ADAMTS16: variants seen among roughly 807,000 people sequenced by gnomAD.
ADAMTS16 encodes A disintegrin and metalloproteinase with thrombospondin motifs 16.
In ADAMTS16, 94 loss-of-function variants were observed where a neutral mutation model predicts 145.8. That is an observed-to-expected ratio of 0.64 (90% CI 0.55 to 0.77). The LOEUF (loss-of-function observed/expected upper bound fraction) is 0.77, where lower values mean the gene tolerates loss of function less well. Ranked by LOEUF, ADAMTS16 falls within the 30% of genes least tolerant of loss-of-function variation. ADAMTS16 has a pLI of 0.00. For missense variants in ADAMTS16, 1,585 were observed against 1,591.5 expected (o/e 1.00, Z 0.07); for synonymous variants, 659 against 604.3 (o/e 1.09, Z -1.33).
At chr5:5,316,213 C>T (rs181979402) in intron 21 of ADAMTS16, among the ~76,000 whole-genome samples, 1 of 152,310 alleles carries the variant, frequency 6.6e-6, no homozygotes, top group Admixed American at 6.5e-5. Context: ...GGAATGGTCT[C>T]TGACATACTC....
intron 10 of ADAMTS16, among the ~76,000 whole-genome samples, chr5:5,221,915 A>T (rs550037945): frequency 6.6e-6 from 1 of 152,248 alleles, no homozygotes; most frequent in African/African-American, 2.4e-5. Context: ...CATCCATTTA[A>T]TTTCTTGGGG....
chr5:5,290,857 C>G (rs369634647), intron 18 of ADAMTS16, among the ~76,000 whole-genome samples: 1 of 152,126 alleles, frequency 6.6e-6, no homozygotes, highest in Non-Finnish European at 1.5e-5. Flanking sequence ...CTGTTCTTCC[C>G]GCTGTGACCA....
chr5:5,145,966 A>G (rs560791663), intron 2 of ADAMTS16, among the ~76,000 whole-genome samples, 164 bp from the exon 3 acceptor site: 2 of 152,236 alleles, frequency 1.3e-5, no homozygotes, highest in African/African-American at 4.8e-5. Flanking sequence ...GTGATGTTCC[A>G]TATTGCACAC....
At chr5:5,305,353 C>T (rs1740069190) in intron 20 of ADAMTS16, among the ~76,000 whole-genome samples, 2 of 135,066 alleles carry the variant, frequency 1.5e-5, no homozygotes, top group Admixed American at 7.5e-5. Flanking sequence ...ACACATCCCA[C>T]ACCACACACA....
At chr5:5,214,055 G>T (rs1485375709) in intron 10 of ADAMTS16, among the ~76,000 whole-genome samples, 1 of 152,192 alleles carries the variant, frequency 6.6e-6, no homozygotes, top group African/African-American at 2.4e-5. Flanking sequence ...TCCCAACAGC[G>T]GGGTCTGCAA....
chr5:5,262,149 T>C (rs1466033350), intron 17 of ADAMTS16, among the ~76,000 whole-genome samples: 1 of 152,208 alleles, frequency 6.6e-6, no homozygotes. Flanking sequence ...ACCTAAGTCA[T>C]GATTGTTAAA....
chr5:5,235,043 G>A lies in ADAMTS16; in HGVS notation c.1880G>A (p.Gly627Asp). ...KPSHGGKFCE[G>D]STRTLKLCNS... ...TCGCATGGAGGGAAGTTCTGTGAGGGCTCCACTCGCACTCTGAAGCTCTGC... is the reference window on the plus strand; with the variant it reads ...TCGCATGGAGGGAAGTTCTGTGAGGACTCCACTCGCACTCTGAAGCTCTGC... The change falls in exon 13 of 23, where the codon GGC (glycine) becomes GAC (aspartate). Residue 627 changes from glycine to aspartate, a missense_variant. Transcript: ENST00000274181. 6.3e-7 allele frequency: 1 copy of A among 1,591,048 alleles called. No homozygotes were observed. Among genetic ancestry groups the A allele is most frequent in the South Asian group, 1.1e-5 (1 of 89,566 alleles).
chr5:5,211,859 T>A (rs1458904537), intron 10 of ADAMTS16, among the ~76,000 whole-genome samples: 5 of 152,190 alleles, frequency 3.3e-5, no homozygotes, highest in Non-Finnish European at 5.9e-5. Context: ...ATTCTCCAGA[T>A]AACTTATTAG....
chr5:5,181,395 C>G (rs1170696638), intron 3 of ADAMTS16, among the ~76,000 whole-genome samples: 2 of 152,164 alleles, frequency 1.3e-5, no homozygotes, highest in South Asian at 2.1e-4. Flanking sequence ...TTTTGTCTCT[C>G]TACGATTTTT....
At chr5:5,266,785 G>A (rs1254046862) in intron 18 of ADAMTS16, among the ~76,000 whole-genome samples, 1 of 152,132 alleles carries the variant, frequency 6.6e-6, no homozygotes, top group Non-Finnish European at 1.5e-5. Flanking sequence ...ATTATGTGGC[G>A]CTCGTTTACT....
chr5:5,173,540 C>T (rs2126546143), intron 3 of ADAMTS16, among the ~76,000 whole-genome samples: 1 of 151,702 alleles, frequency 6.6e-6, no homozygotes, highest in East Asian at 1.9e-4. Flanking sequence ...GTGGCGTGAT[C>T]TCGGCTCACT....
chr5:5,144,534 C>T (rs1038329576), intron 2 of ADAMTS16, among the ~76,000 whole-genome samples: 68 of 152,266 alleles, frequency 4.5e-4, no homozygotes, highest in African/African-American at 1.5e-3. Context: ...ACAAATAATA[C>T]TTCCATGAAA....
At chr5:5,311,664 A>G (rs1740448872) in intron 21 of ADAMTS16, among the ~76,000 whole-genome samples, 1 of 150,342 alleles carries the variant, frequency 6.7e-6, no homozygotes, top group Admixed American at 6.7e-5. Flanking sequence ...CTCCTGTCTC[A>G]GCCCCCCGAG....
intron 5 of ADAMTS16, among the ~76,000 whole-genome samples, chr5:5,187,437 T>C (rs1477155750): frequency 6.6e-6 from 1 of 152,216 alleles, no homozygotes; most frequent in Non-Finnish European, 1.5e-5. Flanking sequence ...GCTTCTGTCA[T>C]CATCATGATT....
At chr5:5,175,307 G>C (rs1735159413) in intron 3 of ADAMTS16, among the ~76,000 whole-genome samples, 1 of 152,142 alleles carries the variant, frequency 6.6e-6, no homozygotes. Flanking sequence ...TCATCTGGGA[G>C]CTAGGTCCAG....
chr5:5,268,780 T>G (rs1036922098), intron 18 of ADAMTS16, among the ~76,000 whole-genome samples: 12 of 152,272 alleles, frequency 7.9e-5, no homozygotes, highest in Admixed American at 7.2e-4. Context: ...TCCTTCCTCT[T>G]TCTCTGCCCA....
At chr5:5,170,421 C>G (rs1735013439) in intron 3 of ADAMTS16, among the ~76,000 whole-genome samples, 1 of 152,034 alleles carries the variant, frequency 6.6e-6, no homozygotes, top group Non-Finnish European at 1.5e-5. Context: ...CTCTGTCACC[C>G]AGGCTGGAGT....
In ADAMTS16 at chr5:5,290,911, C is replaced by T. The variant is rs138148636; in HGVS notation, c.2790-12357C>T. On this transcript the variant is annotated intron_variant, in intron 18 of 22. Coordinates refer to ENST00000274181, the MANE Select transcript of ADAMTS16 (RefSeq NM_139056.4). ...CCAGACGAGGTGGAGAACACCTGTG[C>T]GGGCTCTTCGGGCGTCACTGAGATG... Among the ~76,000 whole-genome samples, 22 of 152,234 alleles carry T rather than the reference C, an allele frequency of 1.4e-4. 1 individual carries two copies. The East Asian group carries it at 3.5e-3, about 24-fold the overall frequency.
rs770808145 is a variant in ADAMTS16, at chr5:5,319,033, C to T, written c.3570C>T (p.Cys1190=). 6 of 1,612,040 alleles carry T rather than the reference C, an allele frequency of 3.7e-6. No homozygotes were observed. Among genetic ancestry groups the T allele is most frequent in the Non-Finnish European group, 5.1e-6 (6 of 1,179,098 alleles). ...CPIAEKKDAF[C]KDYFHWCYLV... Reference sequence around the variant, plus strand: ...TCTGCTCATTTTCAGATGCCTTCTGCAAAGACTACTTCCACTGGTGCTACC... The same window carrying T: ...TCTGCTCATTTTCAGATGCCTTCTGTAAAGACTACTTCCACTGGTGCTACC... The change falls in exon 23 of 23, where the codon TGC becomes TGT. Residue 1190 remains cysteine (C), a synonymous_variant. Transcript: ENST00000274181.
Sources: allele counts gnomAD v4.1 joint callset (sites outside exome capture counted in the v4.1 genomes callset), GRCh38; gene constraint gnomAD v4.1.1; transcripts MANE v1.5; gene names NCBI Gene and HGNC (gene_info 2026-07-23, HGNC 2026-07-21).